The following TMEM143 variants were observed in gnomAD, a reference collection of about 807,000 sequenced individuals.
TMEM143 encodes the protein transmembrane protein 143.
In TMEM143, 45 loss-of-function variants were observed where a neutral mutation model predicts 40.3. The observed-to-expected ratio is 1.12, with a 90% CI of 0.88 to 1.43. The LOEUF is 1.43. Ranked by LOEUF, TMEM143 falls within the 40% of genes most tolerant of loss-of-function variation. The probability of loss-of-function intolerance (pLI) is 0.00; values close to 1 mark genes in which losing one functional copy is unlikely to be tolerated. For missense variants in TMEM143, 620 were observed against 613.4 expected (o/e 1.01, Z -0.11); for synonymous variants, 299 against 282.7 (o/e 1.06, Z -0.58).
chr19:48,335,226 C>T (rs1969341093), intron 6 of TMEM143, among the ~76,000 whole-genome samples: 1 of 152,160 alleles, frequency 6.6e-6, no homozygotes, highest in Non-Finnish European at 1.5e-5. Context: ...GTTTATCATA[C>T]TATCCTATTT....
chr19:48,348,511 T>C (rs1969696825), intron 3 of TMEM143, among the ~76,000 whole-genome samples: 1 of 152,200 alleles, frequency 6.6e-6, no homozygotes, highest in South Asian at 2.1e-4. Context: ...ATCGGTTCTT[T>C]ACACAGCTTC....
intron 3 of TMEM143, among the ~76,000 whole-genome samples, chr19:48,346,635 T>G (rs943857778): frequency 7.2e-5 from 11 of 152,064 alleles, no homozygotes; most frequent in African/African-American, 2.7e-4. Flanking sequence ...TGGAGTGCAA[T>G]GGCATGATCT....
At position 48,361,686 on chromosome 19, in the gene TMEM143, C is replaced by T. The variant is rs1265700672; in HGVS notation, c.265-1510G>A. On this transcript the variant is annotated intron_variant, in intron 2 of 7. Coordinates refer to ENST00000293261, the MANE Select transcript of TMEM143 (RefSeq NM_018273.4). ...CTGGGACTACAGGAGCCTGCCACCT[C>T]GCCCGGCTAATTTTTTGTATTTTTA... 4.6e-5 allele frequency among the ~76,000 whole-genome samples: 7 copies of T among 152,104 alleles called. No homozygotes were observed. In the East Asian group the frequency reaches 9.6e-4, roughly 21 times the overall value.
In TMEM143 at chr19:48,334,145, T is replaced by C. The variant is rs776545683; in HGVS notation, c.1028A>G (p.Tyr343Cys). ...CGAGTTGTTGGACGTACTGCGATAG[T>C]ACAGCATGTGCGCCAGCTCCAACGC... ...AQALELAHMLYYRSTSNNSEL... is the reference protein window; with the variant it reads ...AQALELAHMLCYRSTSNNSEL... The change falls in exon 7 of 8, where the codon TAC becomes TGC. Residue 343 changes from tyrosine (Y) to cysteine (C), a missense_variant. Transcript: ENST00000293261. The C allele has an allele frequency of 6.2e-6, 10 of 1,608,536 alleles. No individual in the cohort carries two copies. The highest frequency in any genetic ancestry group is 1.7e-5 in the Admixed American group (1 of 59,520).
intron 6 of TMEM143, among the ~76,000 whole-genome samples, chr19:48,340,569 T>C (rs911895530): frequency 5.3e-5 from 8 of 152,096 alleles, no homozygotes; most frequent in African/African-American, 1.7e-4. Context: ...CTGGTGTGAA[T>C]TGGGTTTGAA....
In TMEM143 at chr19:48,346,568, T is replaced by C. The variant is rs543772849; in HGVS notation, c.370-1214A>G. Among the ~76,000 whole-genome samples, 4 of 152,190 alleles carry C rather than the reference T, an allele frequency of 2.6e-5. No homozygotes were observed. The East Asian group carries it at 7.7e-4, about 29-fold the overall frequency. ...TCTGTTCCCCAACTTTTACTCTTAC[T>C]ACTTTCTTTTTATTTATTTATTTTT... On this transcript the variant is annotated intron_variant, in intron 3 of 7. Coordinates refer to ENST00000293261, the MANE Select transcript of TMEM143 (RefSeq NM_018273.4).
chr19:48,341,862 C>T (rs1969494492), intron 6 of TMEM143, among the ~76,000 whole-genome samples: 1 of 151,998 alleles, frequency 6.6e-6, no homozygotes, highest in Non-Finnish European at 1.5e-5. Context: ...CCTTATGTAG[C>T]CCCTACCACG....
At chr19:48,338,706 C>T (rs907350110) in intron 6 of TMEM143, among the ~76,000 whole-genome samples, 1 of 152,166 alleles carries the variant, frequency 6.6e-6, no homozygotes, top group Non-Finnish European at 1.5e-5. Context: ...AGGGCAGGAT[C>T]GGGCTGCTGC....
At chr19:48,362,847 G>A (rs1051950097) in intron 2 of TMEM143, among the ~76,000 whole-genome samples, 65 of 152,296 alleles carry the variant, frequency 4.3e-4, no homozygotes, top group African/African-American at 1.4e-3. Context: ...TGGGGATGAT[G>A]GTGGTATCTC....
At chr19:48,349,036 A>AT (rs936490301) in intron 3 of TMEM143, among the ~76,000 whole-genome samples, 2 of 152,184 alleles carry the variant, frequency 1.3e-5, no homozygotes, top group Admixed American at 1.3e-4. Context: ...ATTTATATAT[A>AT]TAAAAATTAG....
At chr19:48,352,869 A>G (rs1178115297) in intron 3 of TMEM143, among the ~76,000 whole-genome samples, 2 of 152,084 alleles carry the variant, frequency 1.3e-5, no homozygotes, top group Non-Finnish European at 2.9e-5. Flanking sequence ...CTCCCACCTC[A>G]GCCTCCCAAA....
intron 3 of TMEM143, among the ~76,000 whole-genome samples, 174 bp from the exon 4 acceptor site, chr19:48,345,528 C>T (rs893237883): frequency 3.3e-5 from 5 of 150,624 alleles, no homozygotes; most frequent in African/African-American, 4.9e-5. Context: ...TCACGTTCTC[C>T]GCTCACTGCA....
chr19:48,337,487 C>T (rs1969397493), intron 6 of TMEM143, among the ~76,000 whole-genome samples: 1 of 151,686 alleles, frequency 6.6e-6, no homozygotes, highest in African/African-American at 2.4e-5. Flanking sequence ...GCAGAGGTTG[C>T]AGTGAGCTGA....
chr19:48,357,638 G>A (rs564778633), intron 3 of TMEM143, among the ~76,000 whole-genome samples: 1 of 151,458 alleles, frequency 6.6e-6, no homozygotes, highest in Admixed American at 6.6e-5. Context: ...TTACAGGCAT[G>A]AGCCACCACG....
In TMEM143 at chr19:48,333,212, G is replaced by T. The variant is rs772414289; in HGVS notation, c.*7C>A. 6.9e-7 allele frequency: 1 copy of T among 1,457,648 alleles called. No individual in the cohort carries two copies. The highest frequency in any genetic ancestry group is 2.3e-5 in the Admixed American group (1 of 44,282). 90.3% of individuals were successfully genotyped at this position (1,457,648 alleles called of 1,614,324 possible). ...GCCTGCTGACTGGGCAGGGAGGTAG[G>T]TTCTACTCAGGAGATGTTACTGCTG... On this transcript the variant is annotated 3_prime_UTR_variant, in exon 8 of 8. Transcript: ENST00000293261. This position sits in a 1 kb window ranked among gnomAD's most constrained non-coding sequence, Gnocchi z 4.1.
Position 48,334,051 on chromosome 19 carries a change from G to A in TMEM143, c.1122C>T (p.Ser374=). ...EHTKEALLAH[S]FLARRPGGTQ... ...TGCCCCCTGGCCGCCGGGCCAGGAA[G>A]CTGTGAGCCAGCAGCGCCTCCTTGG... The change falls in exon 7 of 8, where the codon AGC becomes AGT. Residue 374 remains serine, a synonymous_variant. Coordinates refer to ENST00000293261, the MANE Select transcript of TMEM143 (RefSeq NM_018273.4). The A allele has an allele frequency of 3.8e-6, 6 of 1,576,626 alleles. No homozygotes were observed. Among genetic ancestry groups the A allele is most frequent in the Non-Finnish European group, 5.2e-6 (6 of 1,163,556 alleles).
At chr19:48,342,095 G>C (rs996494684) in intron 6 of TMEM143, among the ~76,000 whole-genome samples, 5 of 138,842 alleles carry the variant, frequency 3.6e-5, no homozygotes, top group South Asian at 2.5e-4. Flanking sequence ...GAAAGGGAAG[G>C]GGGGAGGAAG....
At chr19:48,343,106 G>T (rs533547237) in intron 5 of TMEM143, 2 of 722,546 alleles carry the variant, frequency 2.8e-6, no homozygotes, top group East Asian at 5.5e-5. Context: ...GGAAAATGGG[G>T]AGAACTGTCC....
At chr19:48,340,903 A>G (rs892716833) in intron 6 of TMEM143, among the ~76,000 whole-genome samples, 7 of 151,898 alleles carry the variant, frequency 4.6e-5, no homozygotes, top group Non-Finnish European at 8.8e-5. Context: ...CTCTTTCTCC[A>G]CCAGGCTCAA....
Sources: allele counts gnomAD v4.1 joint callset (sites outside exome capture counted in the v4.1 genomes callset), GRCh38; gene constraint gnomAD v4.1.1; non-coding constraint Gnocchi (gnomAD v3.1); transcripts MANE v1.5; gene names NCBI Gene and HGNC (gene_info 2026-07-23, HGNC 2026-07-21).